HOOK1: variants seen among roughly 807,000 people sequenced by gnomAD.
HOOK1 encodes protein Hook homolog 1.
HOOK1 carries 60 observed loss-of-function variants against 112.8 expected under a neutral mutation model. That is an observed-to-expected ratio of 0.53 (90% CI 0.43 to 0.66). The LOEUF (loss-of-function observed/expected upper bound fraction) is 0.66. Ranked by LOEUF, HOOK1 falls within the 30% of genes least tolerant of loss-of-function variation. HOOK1 has a pLI of 0.00. For synonymous variants in HOOK1, 294 were observed against 283.8 expected (o/e 1.04, Z -0.36); for missense variants, 770 against 856.0 (o/e 0.90, Z 1.25).
intron 1 of HOOK1, among the ~76,000 whole-genome samples, chr1:59,816,194 A>C (rs923539045): frequency 6.6e-6 from 1 of 152,226 alleles, no homozygotes; most frequent in Non-Finnish European, 1.5e-5. Context: ...TAATGCATCT[A>C]ATTCCAAAGA....
intron 19 of HOOK1, among the ~76,000 whole-genome samples, chr1:59,867,462 T>C (rs937272257): frequency 2.0e-5 from 3 of 152,178 alleles, no homozygotes; most frequent in African/African-American, 4.8e-5. Context: ...AGTCTTCTTC[T>C]TTTTCCTCTA....
At chr1:59,826,529 TGAG>T (rs1274639598) in intron 2 of HOOK1, among the ~76,000 whole-genome samples, 10 of 152,122 alleles carry the variant, frequency 6.6e-5, no homozygotes, top group South Asian at 4.2e-4. Flanking sequence ...GAAAGGAAGA[TGAG>T]GAGGAATGTA....
intron 10 of HOOK1, 132 bp downstream of exon 10, chr1:59,847,317 C>A: frequency 2.6e-6 from 2 of 768,688 alleles, no homozygotes; most frequent in Non-Finnish European, 4.1e-6. Flanking sequence ...TTAATCCAGG[C>A]TGATAGTTTT....
intron 9 of HOOK1, among the ~76,000 whole-genome samples, chr1:59,844,282 C>A (rs1264995732): frequency 1.3e-5 from 2 of 151,878 alleles, no homozygotes; most frequent in East Asian, 3.9e-4. Context: ...TTTATCTGAA[C>A]CATTTGAGAG....
chr1:59,858,653 C>T, intron 13 of HOOK1, 138 bp downstream of exon 13: 1 of 656,104 alleles, frequency 1.5e-6, no homozygotes, highest in East Asian at 2.7e-5. Flanking sequence ...GGGAGGATCA[C>T]TTGAGCCTAG....
At position 59,873,656 on chromosome 1, in the gene HOOK1, A is replaced by G. The variant is rs1284293217; in HGVS notation, c.*691A>G. The G allele has an allele frequency of 6.8e-6, 1 of 147,772 alleles. No homozygotes were observed. Among genetic ancestry groups the G allele is most frequent in the African/African-American group, 2.5e-5 (1 of 40,222 alleles). 9.2% of individuals were successfully genotyped at this position (147,772 alleles called of 1,614,324 possible). ...TGGCAAATAAGGGCTTCTGGACATC[A>G]TGTTTAAAATGTTAAGCATAAGAAA... On this transcript the variant is annotated 3_prime_UTR_variant, in exon 22 of 22. Transcript: ENST00000371208.
chr1:59,871,020 T>TGG, intron 20 of HOOK1, 22 bp from the exon 21 acceptor site: 1 of 1,500,006 alleles, frequency 6.7e-7, no homozygotes, highest in Non-Finnish European at 9.3e-7. Context: ...GGATTTTAAT[T>TGG]GTTCTCATAT....
intron 5 of HOOK1, 145 bp from the exon 6 acceptor site, chr1:59,835,200 A>G: frequency 1.3e-5 from 8 of 620,112 alleles, no homozygotes; most frequent in Non-Finnish European, 2.3e-5. Flanking sequence ...TTGGTGAGGA[A>G]GGAAGACATA....
At chr1:59,861,263 A>G (rs1200576466) in intron 15 of HOOK1, among the ~76,000 whole-genome samples, 1 of 152,218 alleles carries the variant, frequency 6.6e-6, no homozygotes, top group Non-Finnish European at 1.5e-5. Context: ...CAATTCAGAA[A>G]GTTTGACAAA....
intron 15 of HOOK1, among the ~76,000 whole-genome samples, chr1:59,860,777 C>CTTT (rs35112707): frequency 1.4e-5 from 2 of 141,230 alleles, no homozygotes; most frequent in South Asian, 2.2e-4. Flanking sequence ...TCTTCTCTTT[C>CTTT]TTTTTTTTTT....
rs199720680 is a variant in HOOK1, at chr1:59,835,155, A to T, written c.407-190A>T. On this transcript the variant is annotated intron_variant, in intron 5 of 21. Transcript: ENST00000371208. ...ACTGCAACAATCTCAATCTTGAAAG[A>T]ATGAATTCATTTGCTTAACAATACT... 7.2e-5 allele frequency among the ~76,000 whole-genome samples: 11 copies of T among 152,300 alleles called. No homozygotes were observed. The East Asian group carries it at 2.1e-3, about 29-fold the overall frequency.
chr1:59,843,339 A>G, intron 8 of HOOK1, 93 bp from the exon 9 acceptor site: 1 of 815,216 alleles, frequency 1.2e-6, no homozygotes, highest in East Asian at 2.7e-5. Flanking sequence ...TGGCTTAGTC[A>G]GATCTAGAAT....
At chr1:59,823,680 G>A (rs1160529516) in intron 2 of HOOK1, among the ~76,000 whole-genome samples, 2 of 152,220 alleles carry the variant, frequency 1.3e-5, no homozygotes, top group African/African-American at 2.4e-5. Context: ...GATGCATATA[G>A]CTCTTTGACC....
Position 59,860,341 on chromosome 1 carries a change from T to C in HOOK1, c.1532+13T>C. 1 of 1,537,920 alleles carries C rather than the reference T, an allele frequency of 6.5e-7. No individual in the cohort carries two copies. Among genetic ancestry groups the C allele is most frequent in the Non-Finnish European group, 8.7e-7 (1 of 1,145,068 alleles). On this transcript the variant is annotated intron_variant, in intron 15 of 21. Transcript: ENST00000371208. ...AAACTGAGCAGAGGTGATATGCTCC[T>C]TAGTAACTGAAAATCTTGGTGATTT...
rs780332318 is a variant in HOOK1 at position 59,833,498 on chromosome 1, C to T, written c.367C>T (p.Leu123Phe). Residue 123 changes from leucine to phenylalanine, a missense_variant, in exon 5 of 22, where the codon CTT becomes TTT. Physicochemically the swap from Leu to Phe is conservative, Grantham distance 22 (BLOSUM62 0). Around this residue, in one of 3 missense-constraint regions of HOOK1, gnomAD observed 655 missense variants for 725.9 expected, o/e 0.90. Transcript: ENST00000371208. ...AGTGGAGCTTGGGAGGTTGCTCCAG[C>T]TTATTTTAGGTTGTGCGATCAACTG... ...DPVELGRLLQ[L>F]ILGCAINCEK... 4.9e-5 allele frequency: 78 copies of T among 1,590,526 alleles called. No individual in the cohort carries two copies. Among genetic ancestry groups the T allele is most frequent in the Non-Finnish European group, 6.6e-5 (77 of 1,164,360 alleles).
chr1:59,826,950 A>C (rs1257478709), intron 2 of HOOK1, among the ~76,000 whole-genome samples: 1 of 152,102 alleles, frequency 6.6e-6, no homozygotes, highest in East Asian at 1.9e-4. Flanking sequence ...TTTTCAGTAG[A>C]GAACGGGCTT....
At chr1:59,830,772 A>C (rs920581027) in intron 3 of HOOK1, among the ~76,000 whole-genome samples, 10 of 151,776 alleles carry the variant, frequency 6.6e-5, no homozygotes, top group African/African-American at 2.4e-4. Flanking sequence ...TTCTGAACCC[A>C]TGTGTATTGA....
intron 11 of HOOK1, 32 bp downstream of exon 11, chr1:59,848,548 A>G: frequency 2.0e-6 from 3 of 1,468,104 alleles, no homozygotes; most frequent in Non-Finnish European, 2.8e-6. Flanking sequence ...AATTGATAAA[A>G]TTGTAAGAGT....
At chr1:59,824,600 TCTG>T (rs143384409) in intron 2 of HOOK1, among the ~76,000 whole-genome samples, 2,511 of 152,326 alleles carry the variant, frequency 0.016, 82 homozygotes, top group African/African-American at 0.058. Context: ...GAAGAGAAAT[TCTG>T]CTTTTTAAGG....
Sources: allele counts gnomAD v4.1 joint callset (sites outside exome capture counted in the v4.1 genomes callset), GRCh38; gene constraint gnomAD v4.1.1; regional missense constraint gnomAD v4.1.1; transcripts MANE v1.5; gene names NCBI Gene and HGNC (gene_info 2026-07-23, HGNC 2026-07-21).